The following RBFOX3 variants were observed in gnomAD, a reference collection of about 807,000 sequenced individuals.
RBFOX3 encodes RNA binding protein fox-1 homolog 3.
RBFOX3 carries 17 observed loss-of-function variants against 48.7 expected under a neutral mutation model. The observed-to-expected ratio is 0.35, with a 90% CI of 0.24 to 0.52. The LOEUF is 0.52. Ranked by LOEUF, RBFOX3 falls within the 20% of genes least tolerant of loss-of-function variation. The pLI is 0.94. For synonymous variants in RBFOX3, 212 were observed against 209.5 expected (o/e 1.01, Z -0.10); for missense variants, 382 against 497.5 (o/e 0.77, Z 2.21).
At chr17:79,251,101 C>G (rs1397372603) in intron 3 of RBFOX3, among the ~76,000 whole-genome samples, 2 of 152,094 alleles carry the variant, frequency 1.3e-5, no homozygotes, top group Non-Finnish European at 2.9e-5. Context: ...CCGCGCCCGG[C>G]CTATCCCTGT....
intron 2 of RBFOX3, among the ~76,000 whole-genome samples, chr17:79,413,155 G>C (rs537597710): frequency 6.6e-6 from 1 of 152,330 alleles, no homozygotes; most frequent in African/African-American, 2.4e-5. Flanking sequence ...AAATGCAAGA[G>C]AGACCAAAAC....
chr17:79,271,154 C>A (rs1342981503), intron 3 of RBFOX3, among the ~76,000 whole-genome samples: 1 of 151,892 alleles, frequency 6.6e-6, no homozygotes, highest in Non-Finnish European at 1.5e-5. Context: ...CGGCTCACTG[C>A]AACCTCTGCC....
chr17:79,441,926 G>T (rs1037680079), intron 2 of RBFOX3, among the ~76,000 whole-genome samples: 3 of 152,016 alleles, frequency 2.0e-5, no homozygotes, highest in Admixed American at 6.5e-5. Context: ...GAGAAAGGCA[G>T]ACCAACAGGT....
intron 1 of RBFOX3, among the ~76,000 whole-genome samples, chr17:79,502,827 C>T (rs935153976): frequency 5.3e-5 from 8 of 152,320 alleles, no homozygotes; most frequent in Admixed American, 4.6e-4. Context: ...TCCCTGTCCA[C>T]GGGGTTCCAG....
Position 79,418,222 on chromosome 17 carries a change from C to T in RBFOX3, c.-175+64232G>A, listed in dbSNP as rs2065699043. Among the ~76,000 whole-genome samples, 2 of 152,174 alleles carry T rather than the reference C, an allele frequency of 1.3e-5. No homozygotes were observed. Among genetic ancestry groups the T allele is most frequent in the Non-Finnish European group, 2.9e-5 (2 of 68,032 alleles). On this transcript the variant is annotated intron_variant, in intron 2 of 14. Coordinates refer to ENST00000693108, the MANE Select transcript of RBFOX3 (RefSeq NM_001350451.2). The surrounding 1 kb of genome is among the most constrained non-coding windows in gnomAD (Gnocchi z 5.0). Reference sequence around the variant, plus strand: ...TTAAGATGGTACATTTTATGTTATGCATATTTTACCACAACGACAAAAAGT... The same window carrying T: ...TTAAGATGGTACATTTTATGTTATGTATATTTTACCACAACGACAAAAAGT...
At chr17:79,288,182 A>T (rs191675047) in intron 3 of RBFOX3, among the ~76,000 whole-genome samples, 10 of 152,150 alleles carry the variant, frequency 6.6e-5, no homozygotes, top group Admixed American at 2.6e-4. Flanking sequence ...CTGATATGCG[A>T]CAAATCATAC....
At chr17:79,574,567 G>A (rs1055473546) in intron 1 of RBFOX3, among the ~76,000 whole-genome samples, 12 of 152,152 alleles carry the variant, frequency 7.9e-5, no homozygotes, top group African/African-American at 2.4e-4. Context: ...CCTCAGGTCC[G>A]GGAAATTCCC....
intron 2 of RBFOX3, among the ~76,000 whole-genome samples, chr17:79,374,689 C>T (rs915671743): frequency 6.6e-6 from 1 of 152,230 alleles, no homozygotes; most frequent in Non-Finnish European, 1.5e-5. Context: ...TGTTTTCACA[C>T]GTGTAGGTGT....
the RBFOX3 span, among the ~76,000 whole-genome samples, chr17:79,655,196 C>A: frequency 2.6e-4 from 39 of 152,120 alleles, no homozygotes. Flanking sequence ...GCCCTGCACC[C>A]GGACCAGCAC....
intron 3 of RBFOX3, among the ~76,000 whole-genome samples, chr17:79,268,764 C>T (rs992841429): frequency 1.3e-5 from 2 of 152,116 alleles, no homozygotes; most frequent in Admixed American, 1.3e-4. Flanking sequence ...CTCCAGTAGC[C>T]CCCGGACCTC....
In RBFOX3 at chr17:79,477,241, A is replaced by AG. The variant is rs1309489869; in HGVS notation, c.-175+5212_-175+5213insC. On this transcript the variant is annotated intron_variant, in intron 2 of 14. Coordinates refer to ENST00000693108, the MANE Select transcript of RBFOX3 (RefSeq NM_001350451.2). The surrounding 1 kb of genome is among the most constrained non-coding windows in gnomAD (Gnocchi z 4.8). ...GAGCAAGGCTCCGTTTCAAAAAAAA[A>AG]TAAATAAAGATAAATTAAAAAAAAA... is the stretch of plus-strand genomic sequence containing the variant. Among the ~76,000 whole-genome samples the AG allele has an allele frequency of 7.8e-6, 1 of 128,822 alleles. No homozygotes were observed. Among genetic ancestry groups the AG allele is most frequent in the Non-Finnish European group, 1.6e-5 (1 of 61,204 alleles). 84.5% of individuals were successfully genotyped at this position (128,822 alleles called of 152,430 possible).
At chr17:79,618,777 G>GA in the RBFOX3 span, among the ~76,000 whole-genome samples, 1 of 152,176 alleles carries the variant, frequency 6.6e-6, no homozygotes, top group South Asian at 2.1e-4. Context: ...TGTAGGCAAA[G>GA]CGTCTGAATG....
In RBFOX3 at chr17:79,477,862, A is replaced by G. The variant is rs2078166564; in HGVS notation, c.-175+4592T>C. On this transcript the variant is annotated intron_variant, in intron 2 of 14. Transcript: ENST00000693108. The surrounding 1 kb of genome is among the most constrained non-coding windows in gnomAD (Gnocchi z 4.8). ...CTCAAACTAAAGTCTTCTCATTAAA[A>G]TATTGGATCCAAGAAGGAAATAAGA... Among the ~76,000 whole-genome samples the G allele has an allele frequency of 6.6e-6, 1 of 152,322 alleles. No homozygotes were observed. Among genetic ancestry groups the G allele is most frequent in the South Asian group, 2.1e-4 (1 of 4,824 alleles).
intron 5 of RBFOX3, among the ~76,000 whole-genome samples, chr17:79,112,320 G>A (rs929437803): frequency 6.6e-5 from 10 of 152,190 alleles, no homozygotes; most frequent in Non-Finnish European, 2.9e-5. Context: ...CTGTGACTAG[G>A]GGTTGAGGGG....
chr17:79,430,079 C>T lies in RBFOX3; in HGVS notation c.-175+52375G>A, dbSNP rs544848088. 3.3e-5 allele frequency among the ~76,000 whole-genome samples: 5 copies of T among 152,258 alleles called. No individual in the cohort carries two copies. In the East Asian group the frequency reaches 7.7e-4, roughly 24 times the overall value. Reference sequence around the variant, plus strand: ...CTCCCTGGAGACATCAGCGCACCAACCCAGCTCTAGGATTGAGTGATTTCC... The same window carrying T: ...CTCCCTGGAGACATCAGCGCACCAATCCAGCTCTAGGATTGAGTGATTTCC... On this transcript the variant is annotated intron_variant, in intron 2 of 14. Coordinates refer to ENST00000693108, the MANE Select transcript of RBFOX3 (RefSeq NM_001350451.2).
At chr17:79,610,143 C>T (rs930005193) in intron 1 of RBFOX3, among the ~76,000 whole-genome samples, 4 of 152,050 alleles carry the variant, frequency 2.6e-5, no homozygotes, top group Non-Finnish European at 2.9e-5. Flanking sequence ...GGCCCCCGCG[C>T]ACACCGCGGT....
intron 1 of RBFOX3, among the ~76,000 whole-genome samples, chr17:79,573,417 T>C (rs2144613821): frequency 6.6e-6 from 1 of 152,302 alleles, no homozygotes; most frequent in Non-Finnish European, 1.5e-5. Flanking sequence ...CCTTTCAATC[T>C]TGCAGGACCT....
intron 2 of RBFOX3, among the ~76,000 whole-genome samples, chr17:79,380,769 G>C (rs2059807514): frequency 1.3e-5 from 2 of 151,468 alleles, no homozygotes; most frequent in Non-Finnish European, 2.9e-5. Flanking sequence ...GCGTGCTCTG[G>C]TGCCCTGCCA....
chr17:79,139,250 G>A (rs1555709464), intron 4 of RBFOX3, among the ~76,000 whole-genome samples: 2 of 149,198 alleles, frequency 1.3e-5, no homozygotes, highest in African/African-American at 2.5e-5. Context: ...CCCCCACCCC[G>A]ACACAGGGAG....
Sources: allele counts gnomAD v4.1 joint callset (sites outside exome capture counted in the v4.1 genomes callset), GRCh38; gene constraint gnomAD v4.1.1; non-coding constraint Gnocchi (gnomAD v3.1); transcripts MANE v1.5; gene names NCBI Gene and HGNC (gene_info 2026-07-23, HGNC 2026-07-21).